The following ANKHD1 variants were observed in gnomAD, a reference collection of about 807,000 sequenced individuals.
ANKHD1 encodes the protein ankyrin repeat and KH domain-containing protein 1.
ANKHD1 carries 31 observed loss-of-function variants against 230.5 expected under a neutral mutation model. The observed-to-expected ratio is 0.13, with a 90% CI of 0.10 to 0.18. The LOEUF (loss-of-function observed/expected upper bound fraction) is 0.18, where lower values mean the gene tolerates loss of function less well. Ranked by LOEUF, ANKHD1 falls within the 10% of genes least tolerant of loss-of-function variation. The probability of loss-of-function intolerance (pLI) is 1.00; values close to 1 mark genes in which losing one functional copy is unlikely to be tolerated. For missense variants in ANKHD1, 2,256 were observed against 3,071.3 expected (o/e 0.73, Z 6.27); for synonymous variants, 1,074 against 1,117.6 (o/e 0.96, Z 0.78).
At chr5:140,466,347 C>T (rs147243163) in intron 10 of ANKHD1, among the ~76,000 whole-genome samples, 2,281 of 150,326 alleles carry the variant, frequency 0.015, 60 homozygotes, top group African/African-American at 0.053. Flanking sequence ...GCCTAGATTG[C>T]GCCATTGCAC....
intron 29 of ANKHD1, among the ~76,000 whole-genome samples, chr5:140,533,707 A>C (rs542877703): frequency 7.0e-6 from 1 of 142,522 alleles, no homozygotes; most frequent in Non-Finnish European, 1.5e-5. Context: ...CCAGAGGTCG[A>C]GGCTGCAGTG....
rs781273227 is a variant in ANKHD1 at position 140,527,976 on chromosome 5, G to T, written c.5191G>T (p.Val1731Leu). ...IQDVTGAHID[V>L]DKQKDKNGER... ...GGATGTTACTGGTGCCCATATTGAT[G>T]TGGATAAACAAAAAGATAAGAATGG... Residue 1731 changes from valine (V) to leucine (L), a missense_variant, in exon 28 of 34, where the codon GTG becomes TTG. Transcript: ENST00000360839. This position sits in a 1 kb window ranked among gnomAD's most constrained non-coding sequence, Gnocchi z 4.5. 1 of 1,613,904 alleles carries T rather than the reference G, an allele frequency of 6.2e-7. No homozygotes were observed. The highest frequency in any genetic ancestry group is 8.5e-7 in the Non-Finnish European group (1 of 1,179,892).
chr5:140,478,765 CT>C (rs1384572422), intron 10 of ANKHD1, among the ~76,000 whole-genome samples: 6 of 152,044 alleles, frequency 3.9e-5, no homozygotes, highest in Non-Finnish European at 8.8e-5. Context: ...CTGCCTCAGC[CT>C]CCCGAGTAGC....
intron 25 of ANKHD1, 98 bp downstream of exon 25, chr5:140,524,338 T>C: frequency 7.1e-7 from 1 of 1,403,772 alleles, no homozygotes; most frequent in South Asian, 1.8e-5. Context: ...GTTAAACATT[T>C]GATTACTTTA....
In ANKHD1 at chr5:140,437,273, C is replaced by T. The variant is rs538543006; in HGVS notation, c.460+1016C>T. 1.5e-4 allele frequency among the ~76,000 whole-genome samples: 23 copies of T among 152,244 alleles called. No individual in the cohort carries two copies. In the South Asian group the frequency reaches 4.8e-3, roughly 32 times the overall value. ...AATTTTTCCAATTTTAGCTTATATC[C>T]AGTTTTTCAGTATCACAAATAATGT... On this transcript the variant is annotated intron_variant, in intron 2 of 33. Coordinates refer to ENST00000360839, the MANE Select transcript of ANKHD1 (RefSeq NM_017747.3).
At position 140,539,018 on chromosome 5, in the gene ANKHD1, G is replaced by T. The variant is rs1754196111; in HGVS notation, c.7504G>T (p.Asp2502Tyr). ...TCTGTTTAATGGACTTCACAATCCAGATCCTGCTTGGAACCCTATGATAAA... is the reference window on the plus strand; with the variant it reads ...TCTGTTTAATGGACTTCACAATCCATATCCTGCTTGGAACCCTATGATAAA... ...GPLFNGLHNP[D>Y]PAWNPMIKVI... The change falls in exon 33 of 34, where the codon GAT (aspartate) becomes TAT (tyrosine). Residue 2502 changes from aspartate to tyrosine, a missense_variant. Asp to Tyr is a radical substitution (Grantham distance 160). Around this residue, in one of 13 missense-constraint regions of ANKHD1, gnomAD observed 778 missense variants for 966.5 expected, o/e 0.80. Coordinates refer to ENST00000360839, the MANE Select transcript of ANKHD1 (RefSeq NM_017747.3). 1 of 1,613,350 alleles carries T rather than the reference G, an allele frequency of 6.2e-7. No homozygotes were observed. The highest frequency in any genetic ancestry group is 1.7e-5 in the Admixed American group (1 of 59,878).
At chr5:140,419,780 TTCTTTCTTTC>T (rs1163828206) in intron 1 of ANKHD1, among the ~76,000 whole-genome samples, 2 of 40,364 alleles carry the variant, frequency 5.0e-5, no homozygotes, top group Admixed American at 2.7e-4. Flanking sequence ...TTCTTTTTCT[TTCTTTCTTTC>T]TTTCTTTCTT....
chr5:140,427,767 C>T (rs1295652656), intron 1 of ANKHD1, among the ~76,000 whole-genome samples: 5 of 145,384 alleles, frequency 3.4e-5, no homozygotes, highest in East Asian at 2.2e-4. Context: ...GCTGGCCGGG[C>T]GGGGGGCTGA....
chr5:140,402,343 G>A lies in ANKHD1; in HGVS notation c.306+70G>A, dbSNP rs1369091741. 4 of 1,379,620 alleles carry A rather than the reference G, an allele frequency of 2.9e-6. No homozygotes were observed. In the African/African-American group the frequency reaches 6.1e-5, roughly 21 times the overall value. The allele number at this position is 1,379,620 out of a possible 1,614,324, so 85.5% of individuals were successfully genotyped here. A position where few individuals can be genotyped will look rare whatever the true frequency, so the allele number is the denominator to read the frequency against. On this transcript the variant is annotated intron_variant, in intron 1 of 33. Transcript: ENST00000360839. Reference sequence around the variant, plus strand: ...ATTCTCTTTGGGTAGGCTCTGGGCCGGGGCCATCCTCCCGCTTCCCTGGTG... The same window carrying A: ...ATTCTCTTTGGGTAGGCTCTGGGCCAGGGCCATCCTCCCGCTTCCCTGGTG...
intron 5 of ANKHD1, among the ~76,000 whole-genome samples, chr5:140,445,214 T>C (rs1397315822): frequency 6.6e-6 from 1 of 151,928 alleles, no homozygotes; most frequent in Non-Finnish European, 1.5e-5. Flanking sequence ...ATTGGCATAA[T>C]TGGTATAATT....
At position 140,513,538 on chromosome 5, in the gene ANKHD1, G is replaced by A. The variant is rs141637417; in HGVS notation, c.4317+59G>A. 5.8e-4 allele frequency: 895 copies of A among 1,554,980 alleles called. 3 individuals carry two copies. The African/African-American group carries it at 0.01, about 18-fold the overall frequency. On this transcript the variant is annotated intron_variant, in intron 24 of 33. Transcript: ENST00000360839. ...TTATTGAGGGTGGGGGCCGGGCACG[G>A]TGGCTCACGCCTATGATCCCAGCAC...
intron 10 of ANKHD1, among the ~76,000 whole-genome samples, chr5:140,467,129 A>C (rs1776151951): frequency 6.6e-6 from 1 of 152,076 alleles, no homozygotes; most frequent in Admixed American, 6.6e-5. Flanking sequence ...GTTCTATCAT[A>C]ATCTTTACCA....
intron 1 of ANKHD1, among the ~76,000 whole-genome samples, chr5:140,414,837 CA>C (rs35534779): frequency 6.3e-4 from 87 of 138,746 alleles, no homozygotes; most frequent in Admixed American, 5.0e-4. Flanking sequence ...GACCCTGTCT[CA>C]AAAAAAAAAA....
chr5:140,531,767 T>C (rs1177300197), intron 29 of ANKHD1, among the ~76,000 whole-genome samples: 1 of 152,138 alleles, frequency 6.6e-6, no homozygotes, highest in East Asian at 1.9e-4. Flanking sequence ...GGAAGATATA[T>C]GTCTATAGAA....
intron 1 of ANKHD1, among the ~76,000 whole-genome samples, chr5:140,421,296 CTT>C (rs35408466): frequency 0.012 from 1,157 of 94,534 alleles, 9 homozygotes; most frequent in East Asian, 0.032. Context: ...AGAGTTTTTA[CTT>C]TTTTTTTTTT....
intron 22 of ANKHD1, among the ~76,000 whole-genome samples, chr5:140,511,201 G>A (rs1752753058): frequency 6.6e-6 from 1 of 152,034 alleles, no homozygotes. Flanking sequence ...CTTCCCATTG[G>A]TATAGCTTCC....
At chr5:140,417,868 G>C (rs113354552) in intron 1 of ANKHD1, among the ~76,000 whole-genome samples, 37 of 123,190 alleles carry the variant, frequency 3.0e-4, no homozygotes, top group Non-Finnish European at 4.6e-4. Flanking sequence ...ACAGAGTCTC[G>C]CTCTGTCGTC....
intron 24 of ANKHD1, among the ~76,000 whole-genome samples, chr5:140,523,105 TTC>T (rs1753430674): frequency 6.7e-6 from 1 of 150,334 alleles, no homozygotes; most frequent in Non-Finnish European, 1.5e-5. Flanking sequence ...TTTTTTCTTT[TTC>T]CTTTTTTTTT....
chr5:140,508,003 G>A lies in ANKHD1; in HGVS notation c.3765+5G>A. 6.2e-7 allele frequency: 1 copy of A among 1,604,370 alleles called. No homozygotes were observed. The highest frequency in any genetic ancestry group is 8.5e-7 in the Non-Finnish European group (1 of 1,173,362). ...AATGTTGAACATAGGGCAAAGGTAA[G>A]CATTTTTTACTTGTCAACTATTTCA... On this transcript the variant is annotated splice_donor_5th_base_variant and intron_variant, in intron 20 of 33. Coordinates refer to ENST00000360839, the MANE Select transcript of ANKHD1 (RefSeq NM_017747.3).
Sources: allele counts gnomAD v4.1 joint callset (sites outside exome capture counted in the v4.1 genomes callset), GRCh38; gene constraint gnomAD v4.1.1; regional missense constraint gnomAD v4.1.1; non-coding constraint Gnocchi (gnomAD v3.1); transcripts MANE v1.5; gene names NCBI Gene and HGNC (gene_info 2026-07-23, HGNC 2026-07-21).